The following TMCO1 variants were observed in gnomAD, a reference collection of about 807,000 sequenced individuals.
TMCO1 encodes the protein calcium load-activated calcium channel.
In TMCO1, 29 loss-of-function variants were observed where a neutral mutation model predicts 29.3. The ratio of observed to expected loss-of-function variants is 0.99; its 90% CI spans 0.74 to 1.35. The LOEUF is 1.35. Among genes scored for constraint, TMCO1 ranks in the 40% most tolerant of loss-of-function variants. TMCO1 has a pLI of 0.00. For missense variants in TMCO1, 173 were observed against 225.5 expected (o/e 0.77, Z 1.49); for synonymous variants, 80 against 77.1 (o/e 1.04, Z -0.20).
At chr1:165,759,661 A>AC (rs1652327450) in intron 2 of TMCO1, 77 bp from the exon 3 acceptor site, 2 of 1,276,566 alleles carry the variant, frequency 1.6e-6, no homozygotes, top group Non-Finnish European at 2.3e-6. Flanking sequence ...TCACAGCTGA[A>AC]CCAATGAAAG....
chr1:165,761,352 T>C (rs575509118), intron 2 of TMCO1, among the ~76,000 whole-genome samples: 3 of 151,864 alleles, frequency 2.0e-5, no homozygotes, highest in Non-Finnish European at 2.9e-5. Context: ...CTGGGCAACA[T>C]GGCAAGACTC....
chr1:165,737,334 G>GA (rs914614309), intron 6 of TMCO1, among the ~76,000 whole-genome samples: 52 of 140,526 alleles, frequency 3.7e-4, no homozygotes, highest in East Asian at 1.0e-3. Flanking sequence ...CTGAAGAACA[G>GA]AAAAAAAAAA....
Position 165,726,885 on chromosome 1 carries a change from A to G in TMCO1, c.*1138T>C, listed in dbSNP as rs923541868. 2.2e-6 allele frequency: 1 copy of G among 454,066 alleles called. No individual in the cohort carries two copies. Among genetic ancestry groups the G allele is most frequent in the Non-Finnish European group, 4.4e-6 (1 of 226,772 alleles). The allele number at this position is 454,066 out of a possible 1,614,324, so 28.1% of individuals were successfully genotyped here. A position where few individuals can be genotyped will look rare whatever the true frequency, so the allele number is the denominator to read the frequency against. Reference sequence around the variant, plus strand: ...TTATTTTCCTCAGCACTTTGAAGATACTTTTCTACTGTCTTCTGGACTTTA... The same window carrying G: ...TTATTTTCCTCAGCACTTTGAAGATGCTTTTCTACTGTCTTCTGGACTTTA... On this transcript the variant is annotated 3_prime_UTR_variant, in exon 7 of 7. Transcript: ENST00000367881.
At chr1:165,743,027 G>A in intron 6 of TMCO1, 140 bp downstream of exon 6, 1 of 1,016,448 alleles carries the variant, frequency 9.8e-7, no homozygotes. Flanking sequence ...GCTTTTGGAA[G>A]ATACACTGAA....
intron 2 of TMCO1, among the ~76,000 whole-genome samples, chr1:165,765,590 TTAAA>T (rs1652540699): frequency 6.6e-6 from 1 of 152,204 alleles, no homozygotes; most frequent in South Asian, 2.1e-4. Flanking sequence ...CCTTGCAGTT[TTAAA>T]TAGAGTGGTC....
chr1:165,746,308 C>CAAAAAAA (rs67433376), intron 5 of TMCO1, among the ~76,000 whole-genome samples: 1 of 123,480 alleles, frequency 8.1e-6, no homozygotes, highest in Non-Finnish European at 1.7e-5. Flanking sequence ...GACTCCATCT[C>CAAAAAAA]AAAAAAAAAA....
At chr1:165,737,865 C>T (rs1163712180) in intron 6 of TMCO1, among the ~76,000 whole-genome samples, 1 of 152,190 alleles carries the variant, frequency 6.6e-6, no homozygotes, top group Non-Finnish European at 1.5e-5. Flanking sequence ...AAATGAAATT[C>T]CTTAATGCTA....
chr1:165,740,512 T>C (rs1438114090), intron 6 of TMCO1, among the ~76,000 whole-genome samples: 1 of 152,162 alleles, frequency 6.6e-6, no homozygotes, highest in African/African-American at 2.4e-5. Flanking sequence ...GCCCATCATA[T>C]TGTGTTTTAT....
At chr1:165,768,628 C>T (rs976472129) in intron 1 of TMCO1, 54 bp downstream of exon 1, 30 of 1,613,404 alleles carry the variant, frequency 1.9e-5, no homozygotes, top group Non-Finnish European at 2.5e-5. Flanking sequence ...CAGGGGACCC[C>T]GGGGCCCTTC....
chr1:165,768,489 C>A, intron 1 of TMCO1, 193 bp downstream of exon 1: 2 of 1,543,364 alleles, frequency 1.3e-6, no homozygotes, highest in Non-Finnish European at 8.7e-7. Flanking sequence ...TACCTGAGAC[C>A]AAAGAAAACT....
Position 165,727,827 on chromosome 1 carries a change from T to A in TMCO1, c.*196A>T. 1.9e-6 allele frequency: 1 copy of A among 518,396 alleles called. No homozygotes were observed. The highest frequency in any genetic ancestry group is 3.7e-6 in the Non-Finnish European group (1 of 268,660). 32.1% of individuals were successfully genotyped at this position (518,396 alleles called of 1,614,324 possible). A position where few individuals can be genotyped will look rare whatever the true frequency, so the allele number is the denominator to read the frequency against. ...AATCAATCCACTTATTTGATAAAAA[T>A]CATCTAGGACCAAAAGCACTATCAA... On this transcript the variant is annotated 3_prime_UTR_variant, in exon 7 of 7. Transcript: ENST00000367881.
rs1182003791 is a variant in TMCO1 at position 165,727,974 on chromosome 1, G to C, written c.*49C>G. ...CTTGCTACAAAACAGTTGCCAGTCT[G>C]ATGTGTGTGTGTCTAGAAAGAATGA... is the stretch of plus-strand genomic sequence containing the variant. On this transcript the variant is annotated 3_prime_UTR_variant, in exon 7 of 7. Transcript: ENST00000367881. 1.4e-6 allele frequency: 2 copies of C among 1,408,300 alleles called. No individual in the cohort carries two copies. Among genetic ancestry groups the C allele is most frequent in the East Asian group, 2.5e-5 (1 of 40,572 alleles). 87.2% of individuals were successfully genotyped at this position (1,408,300 alleles called of 1,614,324 possible).
chr1:165,743,023 G>A, intron 6 of TMCO1, 144 bp downstream of exon 6: 1 of 980,300 alleles, frequency 1.0e-6, no homozygotes, highest in Non-Finnish European at 1.5e-6. Context: ...AATGGCTTTT[G>A]GAAGATACAC....
chr1:165,767,308 T>G (rs115134525), intron 2 of TMCO1, among the ~76,000 whole-genome samples: 166 of 152,278 alleles, frequency 1.1e-3, no homozygotes, highest in African/African-American at 3.8e-3. Context: ...GAGAGAAAAC[T>G]AAATCAGGCC....
chr1:165,749,191 G>T lies in TMCO1; in HGVS notation c.323+2911C>A, dbSNP rs892441690. On this transcript the variant is annotated intron_variant, in intron 5 of 6. Coordinates refer to ENST00000367881, the MANE Select transcript of TMCO1 (RefSeq NM_019026.6). ...TGGATCTAAGTTTTCAATCTATTTG[G>T]GTTCACTTTCACTTTTTATTCTATA... 8.6e-5 allele frequency among the ~76,000 whole-genome samples: 13 copies of T among 151,540 alleles called. No individual in the cohort carries two copies. The South Asian group carries it at 2.5e-3, about 29-fold the overall frequency.
chr1:165,747,899 C>A (rs1651857649), intron 5 of TMCO1, among the ~76,000 whole-genome samples: 1 of 152,146 alleles, frequency 6.6e-6, no homozygotes, highest in African/African-American at 2.4e-5. Context: ...TGGCTCACAC[C>A]TGTAATACCA....
chr1:165,757,258 T>C (rs1652229318), intron 3 of TMCO1, among the ~76,000 whole-genome samples: 1 of 152,234 alleles, frequency 6.6e-6, no homozygotes, highest in African/African-American at 2.4e-5. Flanking sequence ...AATTGTATTA[T>C]ACCTGGCTGA....
intron 6 of TMCO1, among the ~76,000 whole-genome samples, chr1:165,738,770 G>C (rs1375171763): frequency 6.6e-6 from 1 of 152,110 alleles, no homozygotes; most frequent in Non-Finnish European, 1.5e-5. Flanking sequence ...TTTGTTTTTA[G>C]AATTTAAGTA....
At chr1:165,739,652 G>A (rs1316221095) in intron 6 of TMCO1, among the ~76,000 whole-genome samples, 1 of 152,120 alleles carries the variant, frequency 6.6e-6, no homozygotes, top group South Asian at 2.1e-4. Context: ...GCCTCCCAAA[G>A]TGCTGGGATT....
Sources: gnomAD v4.1 joint callset for allele counts (sites outside exome capture counted in the v4.1 genomes callset) on GRCh38, gnomAD v4.1.1 for gene constraint, MANE v1.5 for transcripts, NCBI Gene and HGNC (gene_info 2026-07-23, HGNC 2026-07-21) for gene names.